ANK3: variants seen among roughly 807,000 people sequenced by gnomAD.
ANK3 encodes the protein ankyrin 3, also known as ankyrin-3.
A neutral mutation model predicts 370.9 loss-of-function variants in ANK3; 57 were observed. The observed-to-expected ratio is 0.15, with a 90% CI of 0.12 to 0.19. ANK3 has a LOEUF of 0.19. Among genes scored for constraint, ANK3 ranks in the 10% least tolerant of loss-of-function variants. The pLI, the probability that ANK3 is intolerant of heterozygous loss-of-function variation, is 1.00. For missense variants in ANK3, 4,439 were observed against 5,302.1 expected, an observed-to-expected ratio of 0.84 and a Z score of 5.06; for synonymous variants, 1,929 against 1,946.3, an observed-to-expected ratio of 0.99 and a Z score of 0.23.
chr10:60,594,298 A>G lies in ANK3; in HGVS notation c.96+20888T>C, dbSNP rs2077957554. On this transcript the variant is annotated intron_variant, in intron 2 of 43. Transcript: ENST00000373827. ...CTATAGCCACAAAAAGACTCACACA[A>G]TCTTAGGCTAATCCCCGGACTACAG... Among the ~76,000 whole-genome samples the G allele has an allele frequency of 2.0e-5, 3 of 152,158 alleles. No individual in the cohort carries two copies. The South Asian group carries it at 6.2e-4, about 32-fold the overall frequency.
intron 2 of ANK3, among the ~76,000 whole-genome samples, chr10:60,459,482 C>T (rs1367832821): frequency 1.3e-5 from 2 of 152,100 alleles, no homozygotes; most frequent in African/African-American, 4.8e-5. Flanking sequence ...TGTTAAATAA[C>T]GACCTCAGAG....
chr10:60,307,933 GA>G (rs1271990755), intron 1 of ANK3, among the ~76,000 whole-genome samples: 1 of 152,144 alleles, frequency 6.6e-6, no homozygotes, highest in Non-Finnish European at 1.5e-5. Flanking sequence ...TTTTAAAAAA[GA>G]AAATGTGACA....
At chr10:60,525,600 C>T (rs2076450354) in intron 2 of ANK3, among the ~76,000 whole-genome samples, 1 of 152,102 alleles carries the variant, frequency 6.6e-6, no homozygotes, top group Admixed American at 6.6e-5. Flanking sequence ...TCCTATATGA[C>T]TGTAGTCCTT....
intron 2 of ANK3, among the ~76,000 whole-genome samples, chr10:60,395,652 T>TC (rs1249144013): frequency 2.1e-5 from 3 of 143,858 alleles, no homozygotes; most frequent in African/African-American, 7.7e-5. Flanking sequence ...CTCTCTCTCT[T>TC]TCTTTCTTTC....
At position 60,696,601 on chromosome 10, in the gene ANK3, C is replaced by T. The variant is rs1454165802; in HGVS notation, c.57+36662G>A. On this transcript the variant is annotated intron_variant, in intron 1 of 43. Transcript: ENST00000373827. ...TGGGATGCAAGGCTGGTTCAATATA[C>T]GCAAATCAATAAATGTAATCCAGCA... Among the ~76,000 whole-genome samples the T allele has an allele frequency of 3.3e-4, 49 of 148,788 alleles. 1 individual carries two copies. In the South Asian group the frequency reaches 5.8e-3, roughly 18 times the overall value.
At chr10:60,240,287 T>C (rs1419973331) in intron 7 of ANK3, among the ~76,000 whole-genome samples, 1 of 100,422 alleles carries the variant, frequency 1.0e-5, no homozygotes, top group Admixed American at 9.8e-5. Flanking sequence ...CACACATATA[T>C]ATATATATAT....
At chr10:60,696,550 C>T (rs1484947241) in intron 1 of ANK3, among the ~76,000 whole-genome samples, 1 of 150,608 alleles carries the variant, frequency 6.6e-6, no homozygotes. Context: ...AAAGCTTATC[C>T]ACCATGATCA....
At chr10:60,591,691 T>G (rs2077916946) in intron 2 of ANK3, among the ~76,000 whole-genome samples, 1 of 152,068 alleles carries the variant, frequency 6.6e-6, no homozygotes, top group Non-Finnish European at 1.5e-5. Flanking sequence ...CATCAACATA[T>G]GAATGGATAA....
At chr10:60,447,517 A>T (rs1178848874) in intron 2 of ANK3, among the ~76,000 whole-genome samples, 1 of 152,166 alleles carries the variant, frequency 6.6e-6, no homozygotes, top group African/African-American at 2.4e-5. Context: ...AGTTCTTGTC[A>T]TTGACATTAA....
At chr10:60,733,475 A>G in exon 1 of ANK3, 1 of 597,338 alleles carries the variant, frequency 1.7e-6, no homozygotes, top group Non-Finnish European at 2.4e-6. Context: ...AGCGCGGCCT[A>G]TCCTCCTCCT....
chr10:60,335,667 G>A (rs532159470), intron 1 of ANK3, among the ~76,000 whole-genome samples: 7 of 152,220 alleles, frequency 4.6e-5, no homozygotes, highest in Admixed American at 2.6e-4. Flanking sequence ...TGAGCTCATC[G>A]GTCTTGACTT....
intron 7 of ANK3, among the ~76,000 whole-genome samples, chr10:60,244,082 T>G (rs1441174096): frequency 2.0e-5 from 3 of 152,240 alleles, no homozygotes; most frequent in Admixed American, 2.0e-4. Flanking sequence ...AATGTGGAAT[T>G]GCTTGCTTAT....
intron 1 of ANK3, among the ~76,000 whole-genome samples, chr10:60,369,345 C>T (rs1425461776): frequency 6.6e-6 from 1 of 152,146 alleles, no homozygotes; most frequent in African/African-American, 2.4e-5. Flanking sequence ...GAGAATGCAA[C>T]TAGAAGCTCA....
In ANK3 at chr10:60,139,261, G is replaced by A. The variant is rs569990134; in HGVS notation, c.2615-174C>T. 4.9e-5 allele frequency: 32 copies of A among 651,274 alleles called. No homozygotes were observed. In the African/African-American group the frequency reaches 5.7e-4, roughly 12 times the overall value. 40.3% of individuals were successfully genotyped at this position (651,274 alleles called of 1,614,324 possible). A position where few individuals can be genotyped will look rare whatever the true frequency, so the allele number is the denominator to read the frequency against. On this transcript the variant is annotated intron_variant, in intron 23 of 43. Transcript: ENST00000280772. ...TTAGAAGGAAAAGGTATAGGTAAAGGTTAGTACACAATTTCAAGAGTGAAT... is the reference window on the plus strand; with the variant it reads ...TTAGAAGGAAAAGGTATAGGTAAAGATTAGTACACAATTTCAAGAGTGAAT...
chr10:60,563,614 G>C (rs1271653442), intron 2 of ANK3, among the ~76,000 whole-genome samples: 1 of 152,172 alleles, frequency 6.6e-6, no homozygotes, highest in Non-Finnish European at 1.5e-5. Context: ...ACGTAGGTCA[G>C]ATCAGGTTTT....
intron 1 of ANK3, among the ~76,000 whole-genome samples, chr10:60,712,305 T>A (rs947915834): frequency 2.6e-5 from 4 of 152,154 alleles, no homozygotes; most frequent in African/African-American, 4.8e-5. Context: ...AATTTAGAGA[T>A]CCTGCAGGAT....
At chr10:60,088,648 C>T (rs1184568082) in intron 28 of ANK3, among the ~76,000 whole-genome samples, 1 of 152,184 alleles carries the variant, frequency 6.6e-6, no homozygotes, top group East Asian at 1.9e-4. Context: ...TGGTCTCGAA[C>T]TCGCGACCTC....
chr10:60,295,423 C>T (rs1053283331), intron 1 of ANK3, among the ~76,000 whole-genome samples: 1 of 152,068 alleles, frequency 6.6e-6, no homozygotes, highest in Non-Finnish European at 1.5e-5. Flanking sequence ...ACAGTTGGTC[C>T]CCAATTAACA....
At chr10:60,449,391 C>T (rs1002667927) in intron 2 of ANK3, among the ~76,000 whole-genome samples, 4 of 152,108 alleles carry the variant, frequency 2.6e-5, no homozygotes, top group Admixed American at 2.6e-4. Flanking sequence ...TCAATTCAGG[C>T]TAGCCTGAAT....
Sources: allele counts gnomAD v4.1 joint callset (sites outside exome capture counted in the v4.1 genomes callset), GRCh38; gene constraint gnomAD v4.1.1; transcripts MANE v1.5; gene names NCBI Gene and HGNC (gene_info 2026-07-23, HGNC 2026-07-21).